The following DMD variants were observed in gnomAD, a reference collection of about 807,000 sequenced individuals.
The protein encoded by DMD is mutant dystrophin.
A neutral mutation model predicts 330.1 loss-of-function variants in DMD; 63 were observed. The observed-to-expected ratio is 0.19, with a 90% CI of 0.16 to 0.24. The LOEUF (loss-of-function observed/expected upper bound fraction) is 0.24, where lower values mean the gene tolerates loss of function less well. Ranked by LOEUF, DMD falls within the 10% of genes least tolerant of loss-of-function variation. DMD has a pLI of 1.00. For synonymous variants in DMD, 1,223 were observed against 959.8 expected, an observed-to-expected ratio of 1.27 and a Z score of -5.07; for missense variants, 3,344 against 2,684.1, an observed-to-expected ratio of 1.25 and a Z score of -5.43.
chrX:32,729,940 T>C (rs1489075619), intron 7 of DMD, among the ~76,000 whole-genome samples: 3 of 111,940 alleles, frequency 2.7e-5, no homozygotes, highest in East Asian at 2.8e-4. Flanking sequence ...TATATGACCA[T>C]GGTCCAGGAG....
intron 71 of DMD, among the ~76,000 whole-genome samples, chrX:31,176,393 T>A (rs186770282): frequency 4.5e-5 from 5 of 111,852 alleles, no homozygotes; most frequent in Admixed American, 1.9e-4. Flanking sequence ...AATAAGTTAA[T>A]CTGATTGTCA....
At chrX:32,103,840 C>A (rs926346813) in intron 44 of DMD, among the ~76,000 whole-genome samples, 2 of 111,801 alleles carry the variant, frequency 1.8e-5, no homozygotes, top group Non-Finnish European at 3.8e-5. Flanking sequence ...AGTGCACAAT[C>A]TTATATAACC....
chrX:32,779,020 G>A (rs1202514226), intron 7 of DMD, among the ~76,000 whole-genome samples: 1 of 111,456 alleles, frequency 9.0e-6, no homozygotes, highest in Non-Finnish European at 1.9e-5. Flanking sequence ...CTTTGTCTCC[G>A]ATATACTCTA....
At chrX:32,596,543 T>A (rs765612887) in intron 12 of DMD, among the ~76,000 whole-genome samples, 1 of 104,428 alleles carries the variant, frequency 9.6e-6, no homozygotes, top group East Asian at 2.9e-4. Context: ...CTACTTTTTT[T>A]ATTTTTTTTT....
chrX:31,130,357 A>G (rs2034322060), intron 77 of DMD, among the ~76,000 whole-genome samples: 1 of 111,933 alleles, frequency 8.9e-6, no homozygotes, highest in Non-Finnish European at 1.9e-5. Flanking sequence ...ATAATGACTT[A>G]TTACACTATA....
At chrX:32,394,532 G>T (rs757348023) in intron 30 of DMD, among the ~76,000 whole-genome samples, 4 of 111,905 alleles carry the variant, frequency 3.6e-5, no homozygotes, top group Non-Finnish European at 5.6e-5. Flanking sequence ...GACAGTATAT[G>T]TAAAAATACC....
At chrX:33,057,685 A>C (rs1276620493) in intron 1 of DMD, among the ~76,000 whole-genome samples, 1 of 111,601 alleles carries the variant, frequency 9.0e-6, no homozygotes, top group Non-Finnish European at 1.9e-5. Flanking sequence ...CTCAGGAAGA[A>C]ACTGCTCTGC....
At chrX:32,653,441 C>A (rs993877918) in intron 9 of DMD, among the ~76,000 whole-genome samples, 12 of 111,777 alleles carry the variant, frequency 1.1e-4, no homozygotes, top group African/African-American at 3.3e-4. Flanking sequence ...TTGTTTTTCT[C>A]AGGTTTGTCA....
chrX:33,105,494 C>T (rs927538477), intron 1 of DMD, among the ~76,000 whole-genome samples: 1 of 111,929 alleles, frequency 8.9e-6, no homozygotes, highest in African/African-American at 3.2e-5. Flanking sequence ...AACAGAAAAC[C>T]GACAGAATGG....
chrX:32,315,877 T>A (rs5972520), intron 41 of DMD, among the ~76,000 whole-genome samples: 2,490 of 112,230 alleles, frequency 0.022, 69 homozygotes, highest in African/African-American at 0.076. Flanking sequence ...CTGGTAATCA[T>A]CCTTTTACTC....
chrX:31,228,275 T>TAAAAAA (rs779738772), intron 63 of DMD, among the ~76,000 whole-genome samples: 1 of 83,963 alleles, frequency 1.2e-5, no homozygotes, highest in African/African-American at 4.2e-5. Context: ...AATAAAAAAA[T>TAAAAAA]AAAAAAAAAA....
intron 25 of DMD, among the ~76,000 whole-genome samples, chrX:32,460,574 C>T (rs1031781335): frequency 5.4e-5 from 6 of 111,101 alleles, no homozygotes; most frequent in Admixed American, 2.9e-4. Flanking sequence ...ATATTCCTTT[C>T]TGACTCATTT....
intron 43 of DMD, among the ~76,000 whole-genome samples, chrX:32,253,160 T>C (rs1796651991): frequency 9.4e-6 from 1 of 106,398 alleles, no homozygotes; most frequent in South Asian, 4.0e-4. Context: ...ATAGACAGAG[T>C]TTATGTGTGA....
intron 23 of DMD, among the ~76,000 whole-genome samples, chrX:32,465,581 TG>T (rs2098399296): frequency 1.1e-4 from 4 of 37,205 alleles, no homozygotes; most frequent in Non-Finnish European, 2.2e-4. Flanking sequence ...GTTTGTTTTT[TG>T]TTTTTTTTTT....
At chrX:32,637,720 G>A (rs1027896467) in intron 11 of DMD, among the ~76,000 whole-genome samples, 3 of 111,400 alleles carry the variant, frequency 2.7e-5, no homozygotes, top group Non-Finnish European at 5.7e-5. Flanking sequence ...AGGAAGAAGG[G>A]CCAAGCAAAA....
In DMD at chrX:32,241,224, T is replaced by C. The variant is rs192389156; in HGVS notation, c.6291-24161A>G. ...TGTTCTCTCTCCTCAGGTATCCTCATCTAGCATTTAGTAGTTGCATGTGCA... is the reference window on the plus strand; with the variant it reads ...TGTTCTCTCTCCTCAGGTATCCTCACCTAGCATTTAGTAGTTGCATGTGCA... On this transcript the variant is annotated intron_variant, in intron 43 of 78. Coordinates refer to ENST00000357033, the MANE Select transcript of DMD (RefSeq NM_004006.3). Among the ~76,000 whole-genome samples the C allele has an allele frequency of 3.6e-5, 4 of 112,380 alleles. No homozygotes were observed. The East Asian group carries it at 1.1e-3, about 32-fold the overall frequency.
At chrX:32,308,182 C>A (rs918028237) in intron 42 of DMD, among the ~76,000 whole-genome samples, 4 of 110,436 alleles carry the variant, frequency 3.6e-5, no homozygotes, top group African/African-American at 1.3e-4. Context: ...ACCATACGTG[C>A]TATTTTAGTT....
At chrX:31,245,991 T>C (rs1452369812) in intron 63 of DMD, among the ~76,000 whole-genome samples, 1 of 112,126 alleles carries the variant, frequency 8.9e-6, no homozygotes, top group African/African-American at 3.2e-5. Context: ...GAAAGCATGT[T>C]GAAAGATGAG....
chrX:32,315,137 C>G (rs111704670), intron 41 of DMD, among the ~76,000 whole-genome samples: 10 of 111,770 alleles, frequency 8.9e-5, no homozygotes, highest in African/African-American at 2.9e-4. Flanking sequence ...TGCAACCAAC[C>G]CAAATGCCCA....
Sources: gnomAD v4.1 joint callset for allele counts (sites outside exome capture counted in the v4.1 genomes callset) on GRCh38, gnomAD v4.1.1 for gene constraint, MANE v1.5 for transcripts, NCBI Gene and HGNC (gene_info 2026-07-23, HGNC 2026-07-21) for gene names.